WAPL: variants seen among roughly 807,000 people sequenced by gnomAD.
The protein encoded by WAPL is wings apart-like protein homolog.
In WAPL, 5 loss-of-function variants were observed where a neutral mutation model predicts 121.0. That is an observed-to-expected ratio of 0.04 (90% CI 0.02 to 0.09). The LOEUF (loss-of-function observed/expected upper bound fraction) is 0.09. Ranked by LOEUF, WAPL falls within the 10% of genes least tolerant of loss-of-function variation. The pLI, the probability that WAPL is intolerant of heterozygous loss-of-function variation, is 1.00. For synonymous variants in WAPL, 480 were observed against 481.5 expected, an observed-to-expected ratio of 1.00 and a Z score of 0.04; for missense variants, 999 against 1,410.8, an observed-to-expected ratio of 0.71 and a Z score of 4.68.
At chr10:86,442,377 A>G (rs1186363937) in intron 17 of WAPL, among the ~76,000 whole-genome samples, 1 of 152,228 alleles carries the variant, frequency 6.6e-6, no homozygotes, top group African/African-American at 2.4e-5. Flanking sequence ...ATGTACCTGA[A>G]AAAGCTCAAC....
At chr10:86,515,318 T>A (rs1218511099) in intron 2 of WAPL, among the ~76,000 whole-genome samples, 1 of 150,400 alleles carries the variant, frequency 6.6e-6, no homozygotes, top group South Asian at 2.1e-4. Context: ...ACAAGCAGAA[T>A]AGCATTCGCA....
chr10:86,454,764 C>G (rs935471425), intron 12 of WAPL, among the ~76,000 whole-genome samples: 1 of 151,764 alleles, frequency 6.6e-6, no homozygotes, highest in Non-Finnish European at 1.5e-5. Flanking sequence ...CTCTTCCCAG[C>G]CGCCATCCCG....
intron 4 of WAPL, among the ~76,000 whole-genome samples, chr10:86,477,307 C>A (rs1021654335): frequency 2.0e-5 from 3 of 152,120 alleles, no homozygotes; most frequent in African/African-American, 7.2e-5. Flanking sequence ...AAGCACAAAA[C>A]AGTGGTATGT....
Position 86,453,641 on chromosome 10 carries a change from G to A in WAPL, c.2833+15C>T. The A allele has an allele frequency of 1.9e-6, 3 of 1,586,220 alleles. No homozygotes were observed. Among genetic ancestry groups the A allele is most frequent in the Non-Finnish European group, 2.6e-6 (3 of 1,169,034 alleles). ...ATACATCTTTCAATGAGAAAAAAAT[G>A]GAAAAAAATCTTACCATTATCATTA... On this transcript the variant is annotated intron_variant, in intron 13 of 18. Transcript: ENST00000298767.
chr10:86,471,270 T>C (rs892949637), intron 7 of WAPL, among the ~76,000 whole-genome samples, 167 bp from the exon 8 acceptor site: 4 of 152,200 alleles, frequency 2.6e-5, no homozygotes, highest in Non-Finnish European at 5.9e-5. Context: ...ATTAAAAATA[T>C]ACTGATGCCT....
rs1206781381 is a variant in WAPL at position 86,437,365 on chromosome 10, T to G, written c.*178A>C. The G allele has an allele frequency of 2.9e-5, 17 of 587,018 alleles. No homozygotes were observed. The highest frequency in any genetic ancestry group is 4.1e-5 in the Non-Finnish European group (14 of 339,798). The allele number at this position is 587,018 out of a possible 1,614,324, so 36.4% of individuals were successfully genotyped here. On this transcript the variant is annotated 3_prime_UTR_variant, in exon 19 of 19. Coordinates refer to ENST00000298767, the MANE Select transcript of WAPL (RefSeq NM_015045.5). ...GATAGTTGCAGATTGATGTAGTAAC[T>G]GTCATTTAGCAAATGCCGAATGCAT...
chr10:86,465,034 G>GA (rs1841367628), intron 9 of WAPL, among the ~76,000 whole-genome samples: 2 of 152,146 alleles, frequency 1.3e-5, no homozygotes, highest in African/African-American at 4.8e-5. Flanking sequence ...ACCATAACCA[G>GA]AATCTATTAC....
intron 2 of WAPL, among the ~76,000 whole-genome samples, chr10:86,506,991 C>A (rs1589537556): frequency 6.6e-6 from 1 of 150,810 alleles, no homozygotes; most frequent in South Asian, 2.1e-4. Context: ...CCCTTCTTGG[C>A]TTCTCTGATT....
rs974354933 is a variant in WAPL, at chr10:86,457,707, C to CA, written c.2657+1281dup. Reference sequence around the variant, plus strand: ...AGATACAAAACGTACAAATCCAAGACAAAAAAAGGAGATTTTAAAAACCTA... The same window carrying CA: ...AGATACAAAACGTACAAATCCAAGACAAAAAAAAGGAGATTTTAAAAACCTA... On this transcript the variant is annotated intron_variant, in intron 12 of 18. Coordinates refer to ENST00000298767, the MANE Select transcript of WAPL (RefSeq NM_015045.5). Among the ~76,000 whole-genome samples, 14 of 151,384 alleles carry CA rather than the reference C, an allele frequency of 9.2e-5. No homozygotes were observed. The East Asian group carries it at 1.3e-3, about 15-fold the overall frequency.
chr10:86,456,012 T>C (rs2132177341), intron 12 of WAPL, among the ~76,000 whole-genome samples: 1 of 152,330 alleles, frequency 6.6e-6, no homozygotes, highest in Non-Finnish European at 1.5e-5. Flanking sequence ...TGTTTTTCTC[T>C]TCCTCTGGCC....
intron 14 of WAPL, 124 bp from the exon 15 acceptor site, chr10:86,452,255 G>C: frequency 1.2e-6 from 1 of 843,628 alleles, no homozygotes; most frequent in Non-Finnish European, 1.7e-6. Flanking sequence ...CTACAAAATG[G>C]CTAAAAACCA....
At chr10:86,479,993 A>G (rs985380664) in intron 4 of WAPL, among the ~76,000 whole-genome samples, 2 of 152,268 alleles carry the variant, frequency 1.3e-5, no homozygotes, top group African/African-American at 4.8e-5. Context: ...GTCTTAAACT[A>G]TAAAAAACAT....
At chr10:86,510,269 C>T (rs1306362644) in intron 2 of WAPL, among the ~76,000 whole-genome samples, 3 of 150,764 alleles carry the variant, frequency 2.0e-5, no homozygotes. Flanking sequence ...GAGACGGGAT[C>T]TCACCATGTT....
At chr10:86,502,574 G>A (rs1486442899) in intron 2 of WAPL, among the ~76,000 whole-genome samples, 1 of 152,154 alleles carries the variant, frequency 6.6e-6, no homozygotes, top group African/African-American at 2.4e-5. Flanking sequence ...TGGAGATGGA[G>A]ATACAAATAG....
At chr10:86,485,878 T>C (rs1013046893) in intron 4 of WAPL, among the ~76,000 whole-genome samples, 1 of 152,178 alleles carries the variant, frequency 6.6e-6, no homozygotes, top group Non-Finnish European at 1.5e-5. Context: ...GAAAGTCATG[T>C]AGTAAACACC....
intron 17 of WAPL, 140 bp from the exon 18 acceptor site, chr10:86,438,155 ACACT>A (rs781384460): frequency 3.2e-5 from 18 of 558,658 alleles, no homozygotes; most frequent in Middle Eastern, 5.5e-4. Context: ...TTCTCTTTCC[ACACT>A]CACTCTGCAT....
intron 1 of WAPL, among the ~76,000 whole-genome samples, chr10:86,520,472 GAGA>G (rs1842653943): frequency 6.6e-6 from 1 of 152,156 alleles, no homozygotes; most frequent in Non-Finnish European, 1.5e-5. Context: ...GATGGGTACA[GAGA>G]AGTTCATTAT....
At chr10:86,444,892 CAAAAAAAAA>C (rs35307250) in intron 16 of WAPL, among the ~76,000 whole-genome samples, 11 of 68,194 alleles carry the variant, frequency 1.6e-4, no homozygotes, top group African/African-American at 4.0e-4. Flanking sequence ...GTTATTACGC[CAAAAAAAAA>C]AAAAAAAAAA....
chr10:86,516,162 A>G (rs1443500864), intron 2 of WAPL, among the ~76,000 whole-genome samples: 1 of 152,104 alleles, frequency 6.6e-6, no homozygotes, highest in African/African-American at 2.4e-5. Context: ...GCCACTGCAC[A>G]GGTCCTTTAC....
Sources: allele counts gnomAD v4.1 joint callset (sites outside exome capture counted in the v4.1 genomes callset), GRCh38; gene constraint gnomAD v4.1.1; transcripts MANE v1.5; gene names NCBI Gene and HGNC (gene_info 2026-07-23, HGNC 2026-07-21).